NOS3: variants seen among roughly 807,000 people sequenced by gnomAD.
The protein encoded by NOS3 is NOS type III.
In NOS3, 98 loss-of-function variants were observed where a neutral mutation model predicts 144.9. That is an observed-to-expected ratio of 0.68 (90% CI 0.57 to 0.80). The LOEUF is 0.80. Ranked by LOEUF, NOS3 falls within the 30% of genes least tolerant of loss-of-function variation. The pLI, the probability that NOS3 is intolerant of heterozygous loss-of-function variation, is 0.00. For synonymous variants in NOS3, 714 were observed against 702.4 expected (o/e 1.02, Z -0.26); for missense variants, 1,465 against 1,656.4 (o/e 0.88, Z 2.01).
Position 151,002,600 on chromosome 7 carries a change from T to G in NOS3, c.1752+296T>G, listed in dbSNP as rs1795134562. Reference sequence around the variant, plus strand: ...AAGTCATTTCCATTATCAGTGCAAGTTTTTAATACAAGGAAGGCACATCCT... The same window carrying G: ...AAGTCATTTCCATTATCAGTGCAAGGTTTTAATACAAGGAAGGCACATCCT... On this transcript the variant is annotated intron_variant, in intron 14 of 26. Transcript: ENST00000297494. The surrounding 1 kb of genome is among the most constrained non-coding windows in gnomAD (Gnocchi z 4.1). Among the ~76,000 whole-genome samples the G allele has an allele frequency of 6.6e-6, 1 of 152,126 alleles. No individual in the cohort carries two copies. The highest frequency in any genetic ancestry group is 1.5e-5 in the Non-Finnish European group (1 of 68,034).
At position 150,993,741 on chromosome 7, in the gene NOS3, C is replaced by T; in HGVS notation, c.-51-12C>T. 6.5e-7 allele frequency: 1 copy of T among 1,533,876 alleles called. No individual in the cohort carries two copies. The stretch of plus-strand genomic sequence containing the variant: ...ACTGCCCCCTCCTCTCGGTCCCCTC[C>T]CTCTTCCTAAGGAAAAGGCCAGGGC... On this transcript the variant is annotated splice_polypyrimidine_tract_variant and intron_variant, in intron 1 of 26. Coordinates refer to ENST00000297494, the MANE Select transcript of NOS3 (RefSeq NM_000603.5). The surrounding 1 kb of genome is among the most constrained non-coding windows in gnomAD (Gnocchi z 4.0).
At position 151,007,214 on chromosome 7, in the gene NOS3, C is replaced by T. The variant is rs751496128; in HGVS notation, c.2050C>T (p.Gln684Ter). 6.2e-7 allele frequency: 1 copy of T among 1,611,086 alleles called. No individual in the cohort carries two copies. Residue 684 changes from glutamine to a stop codon, truncating the protein, a stop_gained, in exon 17 of 27, where the codon CAG (glutamine) becomes TAG (stop). Coordinates refer to ENST00000297494, the MANE Select transcript of NOS3 (RefSeq NM_000603.5). LOFTEE classifies it high-confidence loss of function. Reference protein sequence around the residue: ...LGGERLLQLGQGDELCGQEEA... With the variant: ...LGGERLLQLG ...CGGGGAGCGGCTGCTGCAGCTGGGC[C>T]AGGGCGACGAGCTGTGCGGCCAGGA...
In NOS3 at chr7:150,993,707, C is replaced by G. The variant is rs1001275654; in HGVS notation, c.-51-46C>G. On this transcript the variant is annotated intron_variant, in intron 1 of 26. Coordinates refer to ENST00000297494, the MANE Select transcript of NOS3 (RefSeq NM_000603.5). This position sits in a 1 kb window ranked among gnomAD's most constrained non-coding sequence, Gnocchi z 4.0. ...CGGGGCGAGGGCCAGCACTGGAGAG[C>G]CCCCTCCCACTGCCCCCTCCTCTCG... The G allele has an allele frequency of 1.6e-5, 20 of 1,258,116 alleles. No homozygotes were observed. The highest frequency in any genetic ancestry group is 1.8e-5 in the Non-Finnish European group (16 of 913,400). 77.9% of individuals were successfully genotyped at this position (1,258,116 alleles called of 1,614,324 possible).
intron 1 of NOS3, among the ~76,000 whole-genome samples, chr7:150,991,659 G>T (rs1411037866): frequency 1.3e-5 from 2 of 152,134 alleles, no homozygotes; most frequent in Non-Finnish European, 2.9e-5. Context: ...GGCCTGGGAG[G>T]GGTCAGGTGG....
rs1329296107 is a variant in NOS3 at position 151,013,897 on chromosome 7, C to T, written c.3429C>T (p.Gly1143=). Residue 1143 remains glycine, a synonymous_variant, in exon 26 of 27, where the codon GGC becomes GGT. Coordinates refer to ENST00000297494, the MANE Select transcript of NOS3 (RefSeq NM_000603.5). ...GCGACATGGAGCTGGACGAGGCCGG[C>T]GACGTCATCGGCGTGCTGCGGGTGC... ...TEGDMELDEA[G]DVIGVLRDQQ... 6.3e-7 allele frequency: 1 copy of T among 1,599,690 alleles called. No homozygotes were observed. The highest frequency in any genetic ancestry group is 8.5e-7 in the Non-Finnish European group (1 of 1,173,446).
intron 24 of NOS3, chr7:151,012,855 T>C: frequency 3.0e-6 from 1 of 335,732 alleles, no homozygotes; most frequent in South Asian, 4.8e-5. Flanking sequence ...CCCAGGGTGG[T>C]CTGTCAATCA....
chr7:150,994,116 G>A (rs1007487017), intron 2 of NOS3, among the ~76,000 whole-genome samples, 155 bp downstream of exon 2: 2 of 152,220 alleles, frequency 1.3e-5, no homozygotes, highest in Non-Finnish European at 2.9e-5. Flanking sequence ...GACAGTCTGG[G>A]AGGCTCAGAA....
chr7:151,014,074 A>G lies in NOS3; in HGVS notation c.3517A>G (p.Ile1173Val). The G allele has an allele frequency of 6.2e-7, 1 of 1,613,894 alleles. No individual in the cohort carries two copies. Among genetic ancestry groups the G allele is most frequent in the Non-Finnish European group, 8.5e-7 (1 of 1,179,958 alleles). Residue 1173 changes from isoleucine to valine, a missense_variant, in exon 27 of 27, where the codon ATA becomes GTA. By Grantham distance (29) the Ile-to-Val change is conservative (BLOSUM62 3). Coordinates refer to ENST00000297494, the MANE Select transcript of NOS3 (RefSeq NM_000603.5). The stretch of plus-strand genomic sequence containing the variant: ...GCGCACCCAGGAGGTGACAAGCCGC[A>G]TACGCACCCAGAGCTTTTCCTTGCA... ...TLRTQEVTSRIRTQSFSLQER... is the reference protein window; with the variant it reads ...TLRTQEVTSRVRTQSFSLQER...
Position 150,999,025 on chromosome 7 carries a change from C to T in NOS3, c.896C>T (p.Pro299Leu), listed in dbSNP as rs1221147964. ...CTGCTGCTGCAGGCCCCAGATGATC[C>T]CCCAGAACTCTTCCTTCTGCCCCCC... is the stretch of plus-strand genomic sequence containing the variant. ...LPLLLQAPDD[P>L]PELFLLPPEL... Residue 299 changes from proline to leucine, a missense_variant, in exon 8 of 27, where the codon CCC (proline) becomes CTC (leucine). By Grantham distance (98) the Pro-to-Leu change is moderately conservative. Around this residue, in one of 5 missense-constraint regions of NOS3, gnomAD observed 745 missense variants for 853.9 expected, o/e 0.87. Transcript: ENST00000297494. 2 of 1,612,532 alleles carry T rather than the reference C, an allele frequency of 1.2e-6. No individual in the cohort carries two copies. Among genetic ancestry groups the T allele is most frequent in the Middle Eastern group, 1.7e-4 (1 of 6,060 alleles).
Position 150,998,386 on chromosome 7 carries a change from A to C in NOS3, c.612A>C (p.Ala204=). 1 of 1,612,290 alleles carries C rather than the reference A, an allele frequency of 6.2e-7. No individual in the cohort carries two copies. Among genetic ancestry groups the C allele is most frequent in the Non-Finnish European group, 8.5e-7 (1 of 1,179,812 alleles). The change falls in exon 6 of 27, where the codon GCA becomes GCC. Residue 204 remains alanine (A), a synonymous_variant. Coordinates refer to ENST00000297494, the MANE Select transcript of NOS3 (RefSeq NM_000603.5). The surrounding 1 kb of genome is among the most constrained non-coding windows in gnomAD (Gnocchi z 5.0). ...TCGATGCCCGGGACTGCAGGTCTGC[A>C]CAGGAAATGTTCACCTACATCTGCA... ...QVFDARDCRS[A]QEMFTYICNH...
At chr7:150,995,359 G>A in intron 3 of NOS3, 45 bp downstream of exon 3, 5 of 1,369,224 alleles carry the variant, frequency 3.7e-6, no homozygotes, top group Non-Finnish European at 5.2e-6. Flanking sequence ...GGGAAAGGGT[G>A]GGTAAGGCCT....
In NOS3 at chr7:151,002,053, C is replaced by T. The variant is rs915760636; in HGVS notation, c.1647+88C>T. On this transcript the variant is annotated intron_variant, in intron 13 of 26. Coordinates refer to ENST00000297494, the MANE Select transcript of NOS3 (RefSeq NM_000603.5). This position sits in a 1 kb window ranked among gnomAD's most constrained non-coding sequence, Gnocchi z 4.1. ...GTGCCCTGGAGGACAGGAAGTGTTACAAGTCAGGACTCATGAGGAACCCGG... is the reference window on the plus strand; with the variant it reads ...GTGCCCTGGAGGACAGGAAGTGTTATAAGTCAGGACTCATGAGGAACCCGG... The T allele has an allele frequency of 1.3e-6, 2 of 1,539,134 alleles. No homozygotes were observed. The highest frequency in any genetic ancestry group is 1.8e-6 in the Non-Finnish European group (2 of 1,126,016).
chr7:151,004,910 T>G (rs1453623907), intron 14 of NOS3, among the ~76,000 whole-genome samples: 2 of 152,162 alleles, frequency 1.3e-5, no homozygotes, highest in African/African-American at 4.8e-5. Flanking sequence ...CAGGCTGGAG[T>G]GCAATGGCGT....
Position 150,998,346 on chromosome 7 carries a change from G to T in NOS3, c.583-11G>T. On this transcript the variant is annotated splice_polypyrimidine_tract_variant and intron_variant, in intron 5 of 26. Coordinates refer to ENST00000297494, the MANE Select transcript of NOS3 (RefSeq NM_000603.5). This position sits in a 1 kb window ranked among gnomAD's most constrained non-coding sequence, Gnocchi z 5.0. Reference sequence around the variant, plus strand: ...CCTCACCCTCCTCTCCCGCTGCCTCGGCTGGCTCAGGTGTTCGATGCCCGG... The same window carrying T: ...CCTCACCCTCCTCTCCCGCTGCCTCTGCTGGCTCAGGTGTTCGATGCCCGG... 6.2e-7 allele frequency: 1 copy of T among 1,609,798 alleles called. No homozygotes were observed. Among genetic ancestry groups the T allele is most frequent in the Non-Finnish European group, 8.5e-7 (1 of 1,178,898 alleles).
intron 25 of NOS3, 127 bp downstream of exon 25, chr7:151,013,506 A>G: frequency 2.3e-6 from 3 of 1,277,824 alleles, no homozygotes; most frequent in Non-Finnish European, 3.2e-6. Flanking sequence ...CCACCCCTGC[A>G]CACTCTGGCC....
Position 150,996,782 on chromosome 7 carries a change from G to C in NOS3, c.439G>C (p.Glu147Gln). 2.5e-6 allele frequency: 4 copies of C among 1,611,662 alleles called. No homozygotes were observed. The highest frequency in any genetic ancestry group is 1.3e-5 in the African/African-American group (1 of 74,988). The change falls in exon 5 of 27, where the codon GAA (glutamate) becomes CAA (glutamine). Residue 147 changes from glutamate to glutamine, a missense_variant. Glu to Gln is a conservative substitution (Grantham distance 29). Around this residue, in one of 5 missense-constraint regions of NOS3, gnomAD observed 374 missense variants for 377.0 expected, o/e 0.99. Coordinates refer to ENST00000297494, the MANE Select transcript of NOS3 (RefSeq NM_000603.5). Reference protein sequence around the residue: ...SIKRSGSQAHEQRLQEVEAEV... With the variant: ...SIKRSGSQAHQQRLQEVEAEV... ...CCCCAGGAGCGGCTCCCAGGCCCAC[G>C]AACAGCGGCTTCAAGAGGTGGAAGC...
At chr7:151,012,984 C>T (rs1795339467) in intron 24 of NOS3, 5 of 526,224 alleles carry the variant, frequency 9.5e-6, no homozygotes, top group Middle Eastern at 4.9e-4. Flanking sequence ...AGTCCGAAGC[C>T]GCGCATTCTA....
chr7:151,001,306 G>A lies in NOS3; in HGVS notation c.1309G>A (p.Ala437Thr). The stretch of plus-strand genomic sequence containing the variant: ...GAAGCACCTGGAGAATGAGCAGAAG[G>A]CCAGGGGGGGCTGCCCTGCAGACTG... ...FMKHLENEQK[A>T]RGGCPADWAW... Residue 437 changes from alanine to threonine, a missense_variant, in exon 11 of 27, where the codon GCC (alanine) becomes ACC (threonine). This residue lies in a region of NOS3 where 745 missense variants were observed against 853.9 expected (regional missense o/e 0.87). Transcript: ENST00000297494. 6.2e-7 allele frequency: 1 copy of A among 1,613,806 alleles called. No homozygotes were observed. Among genetic ancestry groups the A allele is most frequent in the Non-Finnish European group, 8.5e-7 (1 of 1,179,938 alleles).
chr7:151,006,337 A>G, intron 14 of NOS3, 90 bp from the exon 15 acceptor site: 1 of 891,030 alleles, frequency 1.1e-6, no homozygotes, highest in African/African-American at 1.7e-5. Context: ...ACAAATCAAT[A>G]ATAATGAGGA....
Sources: allele counts gnomAD v4.1 joint callset (sites outside exome capture counted in the v4.1 genomes callset), GRCh38; gene constraint gnomAD v4.1.1; regional missense constraint gnomAD v4.1.1; non-coding constraint Gnocchi (gnomAD v3.1); transcripts MANE v1.5; gene names NCBI Gene and HGNC (gene_info 2026-07-23, HGNC 2026-07-21).